Variants in CNIH3 observed in about 807,000 individuals in gnomAD.
The protein encoded by CNIH3 is protein cornichon homolog 3.
In CNIH3, 14 loss-of-function variants were observed where a neutral mutation model predicts 24.1. The ratio of observed to expected loss-of-function variants is 0.58; its 90% confidence interval spans 0.38 to 0.91. The LOEUF (loss-of-function observed/expected upper bound fraction) is 0.91, where lower values mean the gene tolerates loss of function less well. Ranked by LOEUF, CNIH3 falls within the 40% of genes least tolerant of loss-of-function variation. The pLI is 0.00. For synonymous variants in CNIH3, 68 were observed against 73.8 expected (o/e 0.92, Z 0.40); for missense variants, 178 against 196.8 (o/e 0.90, Z 0.57).
chr1:224,570,606 A>G (rs1680776010), intron 4 of CNIH3, among the ~76,000 whole-genome samples: 1 of 152,244 alleles, frequency 6.6e-6, no homozygotes, highest in African/African-American at 2.4e-5. Flanking sequence ...GTATGTTGCA[A>G]CAAATAGCTT....
chr1:224,622,140 A>C (rs766239367), intron 1 of CNIH3, among the ~76,000 whole-genome samples: 2 of 152,210 alleles, frequency 1.3e-5, no homozygotes, highest in Non-Finnish European at 2.9e-5. Flanking sequence ...TGTCTTTATT[A>C]GCAGTGGGAG....
At chr1:224,706,294 TG>T (rs1450129131) in intron 3 of CNIH3, among the ~76,000 whole-genome samples, 5 of 152,322 alleles carry the variant, frequency 3.3e-5, no homozygotes, top group Admixed American at 3.3e-4. Flanking sequence ...GTCCCAGGAA[TG>T]GCTCTTGATT....
intron 3 of CNIH3, chr1:224,565,247 A>T (rs894662224): frequency 6.6e-6 from 1 of 152,164 alleles, no homozygotes; most frequent in Non-Finnish European, 1.5e-5. Flanking sequence ...TTATGGTTTA[A>T]GTTCTCATTG....
chr1:224,629,546 G>A (rs186859126), intron 1 of CNIH3, among the ~76,000 whole-genome samples: 17 of 152,156 alleles, frequency 1.1e-4, no homozygotes, highest in South Asian at 2.1e-4. Context: ...CCCCTTTGTC[G>A]ACGAACACTG....
chr1:224,631,579 C>T (rs1285116951), intron 1 of CNIH3, among the ~76,000 whole-genome samples: 1 of 152,098 alleles, frequency 6.6e-6, no homozygotes, highest in African/African-American at 2.4e-5. Context: ...CTTGTGCATA[C>T]ATCTTAGATC....
chr1:224,532,135 C>T lies in CNIH3; in HGVS notation n.344-4801C>T, dbSNP rs186953037. ...GAGGAGGGTAAGGGGAGTGGGAACT[C>T]GGGGCATGGGTGGATTGCAATTTTA... On this transcript the variant is annotated intron_variant and non_coding_transcript_variant, in intron 2 of 2. Coordinates refer to the CNIH3 transcript ENST00000470602. Among the ~76,000 whole-genome samples, 48 of 152,050 alleles carry T rather than the reference C, an allele frequency of 3.2e-4. No homozygotes were observed. In the East Asian group the frequency reaches 8.7e-3, roughly 27 times the overall value.
At chr1:224,590,925 T>C (rs1681730673), downstream of CNIH3, among the ~76,000 whole-genome samples, 1 of 151,996 alleles carries the variant, frequency 6.6e-6, no homozygotes, top group South Asian at 2.1e-4. Flanking sequence ...GTAAGACTTA[T>C]AGGGTTCTTG....
chr1:224,489,580 T>C (rs1168825489), intron 1 of CNIH3, among the ~76,000 whole-genome samples: 2 of 152,246 alleles, frequency 1.3e-5, no homozygotes, highest in Non-Finnish European at 2.9e-5. Flanking sequence ...TGCTCTTTTG[T>C]GACTTTAGAA....
At chr1:224,435,203 G>A (rs747105334) in intron 1 of CNIH3, 227 of 986,286 alleles carry the variant, frequency 2.3e-4, no homozygotes, top group Non-Finnish European at 2.6e-4. Context: ...GATGGGGCAG[G>A]GGGCTAGGAG....
At chr1:224,517,550 G>A (rs972500551) in intron 1 of CNIH3, among the ~76,000 whole-genome samples, 13 of 152,096 alleles carry the variant, frequency 8.5e-5, no homozygotes, top group African/African-American at 2.9e-4. Context: ...CTTTAGTGGT[G>A]ATTTCTGAGA....
chr1:224,647,060 C>T (rs991722596), intron 1 of CNIH3, among the ~76,000 whole-genome samples: 6 of 152,066 alleles, frequency 3.9e-5, no homozygotes, highest in African/African-American at 1.2e-4. Flanking sequence ...AGTCTCGGCT[C>T]GCTGCAACCT....
intron 3 of CNIH3, among the ~76,000 whole-genome samples, chr1:224,600,927 G>A (rs137877230): frequency 5.5e-4 from 84 of 152,298 alleles, no homozygotes; most frequent in African/African-American, 1.8e-3. Flanking sequence ...GAAGGTGGCC[G>A]TCCACCTGCT....
chr1:224,700,997 C>A (rs1410155212), intron 3 of CNIH3, among the ~76,000 whole-genome samples: 1 of 152,158 alleles, frequency 6.6e-6, no homozygotes, highest in Non-Finnish European at 1.5e-5. Flanking sequence ...CAGGAGATCC[C>A]AGGCACTTCA....
chr1:224,483,502 C>T (rs1676897623), intron 1 of CNIH3, among the ~76,000 whole-genome samples: 1 of 151,942 alleles, frequency 6.6e-6, no homozygotes, highest in Admixed American at 6.5e-5. Flanking sequence ...GATTCTCATG[C>T]CTCGGCCTCC....
intron 4 of CNIH3, among the ~76,000 whole-genome samples, chr1:224,577,522 G>C (rs1681086236): frequency 6.6e-6 from 1 of 152,004 alleles, no homozygotes; most frequent in Non-Finnish European, 1.5e-5. Flanking sequence ...ACTTACTCCT[G>C]CATTTGAATG....
rs1451272440 is a variant in CNIH3, at chr1:224,458,499, G to A, written n.203+23637G>A. Among the ~76,000 whole-genome samples, 1 of 152,186 alleles carries A rather than the reference G, an allele frequency of 6.6e-6. No individual in the cohort carries two copies. The highest frequency in any genetic ancestry group is 1.9e-4 in the East Asian group (1 of 5,206). On this transcript the variant is annotated intron_variant and non_coding_transcript_variant, in intron 1 of 5. Coordinates refer to the CNIH3 transcript ENST00000471578. This position sits in a 1 kb window ranked among gnomAD's most constrained non-coding sequence, Gnocchi z 4.3. ...AGAAGGGCTGGGATTGTGGCCTGCG[G>A]TTGGTGGGCAGGAGAGCCTGGTCTG...
chr1:224,625,416 C>T (rs938368777), intron 1 of CNIH3, among the ~76,000 whole-genome samples: 4 of 152,100 alleles, frequency 2.6e-5, no homozygotes, highest in Non-Finnish European at 4.4e-5. Flanking sequence ...ATTAGCCAGG[C>T]GTGGTGGTGG....
At chr1:224,550,040 G>T (rs1679851885) in intron 3 of CNIH3, among the ~76,000 whole-genome samples, 1 of 151,926 alleles carries the variant, frequency 6.6e-6, no homozygotes, top group African/African-American at 2.4e-5. Flanking sequence ...AATATCAGAG[G>T]GATGATATTT....
chr1:224,737,447 C>G (rs899292041), intron 5 of CNIH3, among the ~76,000 whole-genome samples: 4 of 152,208 alleles, frequency 2.6e-5, no homozygotes, highest in African/African-American at 9.6e-5. Context: ...CCGCCACGGG[C>G]ACCCACATTC....
Sources: allele counts gnomAD v4.1 joint callset (sites outside exome capture counted in the v4.1 genomes callset), GRCh38; gene constraint gnomAD v4.1.1; non-coding constraint Gnocchi (gnomAD v3.1); transcripts MANE v1.5; gene names NCBI Gene and HGNC (gene_info 2026-07-23, HGNC 2026-07-21).